ARHGAP15: variants seen among roughly 807,000 people sequenced by gnomAD.
ARHGAP15 encodes Rho GTPase activating protein 15.
A neutral mutation model predicts 63.7 loss-of-function variants in ARHGAP15; 51 were observed. The observed-to-expected ratio is 0.80, with a 90% CI of 0.64 to 1.01. The LOEUF (loss-of-function observed/expected upper bound fraction) is 1.01, where lower values mean the gene tolerates loss of function less well. Ranked by LOEUF, ARHGAP15 falls within the 50% of genes least tolerant of loss-of-function variation. The pLI, the probability that ARHGAP15 is intolerant of heterozygous loss-of-function variation, is 0.00. For missense variants in ARHGAP15, 560 were observed against 564.6 expected (o/e 0.99, Z 0.08); for synonymous variants, 191 against 193.8 (o/e 0.99, Z 0.12).
intron 12 of ARHGAP15, among the ~76,000 whole-genome samples, chr2:143,673,752 G>GTATATA (rs1158257230): frequency 2.7e-4 from 9 of 32,934 alleles, no homozygotes; most frequent in Non-Finnish European, 4.4e-4. Context: ...GTGTGTGTGT[G>GTATATA]TGTGTGTATA....
At chr2:143,374,801 C>A (rs576387340) in intron 6 of ARHGAP15, among the ~76,000 whole-genome samples, 35 of 152,252 alleles carry the variant, frequency 2.3e-4, no homozygotes, top group Admixed American at 1.2e-3. Flanking sequence ...CTGCTCCTGG[C>A]CATAGGTACT....
At chr2:143,467,160 A>G (rs572931723) in intron 8 of ARHGAP15, among the ~76,000 whole-genome samples, 17 of 151,722 alleles carry the variant, frequency 1.1e-4, no homozygotes, top group African/African-American at 1.7e-4. Context: ...GAAGATTTCT[A>G]ATATATAGAC....
intron 6 of ARHGAP15, chr2:143,344,036 A>G (rs1387431351): frequency 2.6e-5 from 4 of 152,152 alleles, no homozygotes; most frequent in Non-Finnish European, 5.9e-5. Context: ...AGATAAAAAC[A>G]AACTTACATA....
At chr2:143,685,201 G>A (rs779459352) in intron 12 of ARHGAP15, among the ~76,000 whole-genome samples, 2 of 152,104 alleles carry the variant, frequency 1.3e-5, no homozygotes, top group Non-Finnish European at 2.9e-5. Flanking sequence ...TGACCATGGG[G>A]GAGGCCTAAC....
chr2:143,430,137 G>A (rs1185143962), intron 6 of ARHGAP15, among the ~76,000 whole-genome samples: 1 of 151,086 alleles, frequency 6.6e-6, no homozygotes, highest in Non-Finnish European at 1.5e-5. Flanking sequence ...TGACAGATGG[G>A]GATTACAAAT....
At chr2:143,268,430 C>A (rs941635715) in intron 6 of ARHGAP15, among the ~76,000 whole-genome samples, 1 of 151,946 alleles carries the variant, frequency 6.6e-6, no homozygotes, top group Non-Finnish European at 1.5e-5. Context: ...ATATAAAAAA[C>A]CAAAATGAGT....
At chr2:143,500,571 T>C (rs1693011904) in intron 9 of ARHGAP15, among the ~76,000 whole-genome samples, 1 of 152,174 alleles carries the variant, frequency 6.6e-6, no homozygotes, top group Non-Finnish European at 1.5e-5. Flanking sequence ...GCTCTGACTT[T>C]AAAACAAAAT....
intron 11 of ARHGAP15, among the ~76,000 whole-genome samples, chr2:143,564,478 G>C (rs923060580): frequency 6.6e-6 from 1 of 152,074 alleles, no homozygotes; most frequent in African/African-American, 2.4e-5. Flanking sequence ...TGCAGTTTGA[G>C]CTATAAGTAA....
chr2:143,606,050 AAAAAAAAAAAAAAAAAAAAAG>A (rs1318167373), intron 11 of ARHGAP15, among the ~76,000 whole-genome samples: 5 of 132,562 alleles, frequency 3.8e-5, no homozygotes, highest in East Asian at 2.1e-4. Flanking sequence ...AAAAAAAAAA[AAAAAAAAAAAAAAAAAAAAAG>A]CCATACATCT....
rs1574484561 is a variant in ARHGAP15, at chr2:143,464,100, A to C, written c.704-23273A>C. On this transcript the variant is annotated intron_variant, in intron 8 of 13. Transcript: ENST00000295095. ...ACAAGATTATAAAATGACCTGTAATAGTTGGCATGTCTATAAATTTAATTA... is the reference window on the plus strand; with the variant it reads ...ACAAGATTATAAAATGACCTGTAATCGTTGGCATGTCTATAAATTTAATTA... 2.0e-5 allele frequency among the ~76,000 whole-genome samples: 3 copies of C among 152,342 alleles called. No homozygotes were observed. In the South Asian group the frequency reaches 6.2e-4, roughly 32 times the overall value.
At chr2:143,397,575 GAAATA>G (rs1687826214) in intron 6 of ARHGAP15, among the ~76,000 whole-genome samples, 1 of 147,258 alleles carries the variant, frequency 6.8e-6, no homozygotes, top group Non-Finnish European at 1.5e-5. Context: ...AAACGAAGAA[GAAATA>G]AAATATAACC....
At chr2:143,219,753 A>G (rs550717330) in intron 4 of ARHGAP15, among the ~76,000 whole-genome samples, 2 of 152,356 alleles carry the variant, frequency 1.3e-5, no homozygotes, top group African/African-American at 4.8e-5. Context: ...CTAATTATCC[A>G]TAGAACATTA....
intron 2 of ARHGAP15, among the ~76,000 whole-genome samples, chr2:143,200,808 A>G (rs1386653117): frequency 6.6e-6 from 1 of 152,116 alleles, no homozygotes; most frequent in Admixed American, 6.6e-5. Context: ...ATTTAAGCAC[A>G]TCTGGTTACT....
intron 13 of ARHGAP15, among the ~76,000 whole-genome samples, chr2:143,722,203 A>G (rs1429223581): frequency 6.6e-6 from 1 of 151,996 alleles, no homozygotes; most frequent in Non-Finnish European, 1.5e-5. Flanking sequence ...ACACACACAC[A>G]CACGGCAAGA....
chr2:143,485,521 C>T (rs192372188), intron 8 of ARHGAP15, among the ~76,000 whole-genome samples: 2 of 149,808 alleles, frequency 1.3e-5, no homozygotes, highest in South Asian at 2.1e-4. Context: ...TATAGATAGA[C>T]CTTCCACCGA....
intron 7 of ARHGAP15, 82 bp downstream of exon 7, chr2:143,435,781 A>G: frequency 1.5e-6 from 2 of 1,350,446 alleles, no homozygotes; most frequent in African/African-American, 3.0e-5. Context: ...TAACACACAC[A>G]CTCATTTAAA....
intron 12 of ARHGAP15, among the ~76,000 whole-genome samples, chr2:143,661,345 C>G (rs147849158): frequency 1.3e-5 from 2 of 151,946 alleles, no homozygotes; most frequent in Non-Finnish European, 1.5e-5. Context: ...CACGTTAAGT[C>G]GATATAACAT....
intron 5 of ARHGAP15, among the ~76,000 whole-genome samples, chr2:143,238,886 C>A (rs765436501): frequency 2.6e-5 from 4 of 152,068 alleles, no homozygotes; most frequent in Non-Finnish European, 4.4e-5. Flanking sequence ...AGATCATGAC[C>A]TTTGCAGGGA....
intron 5 of ARHGAP15, among the ~76,000 whole-genome samples, chr2:143,239,091 A>G (rs1171334396): frequency 1.3e-5 from 2 of 152,082 alleles, no homozygotes; most frequent in South Asian, 2.1e-4. Flanking sequence ...GGCTTAATAC[A>G]TTGGTGATGG....
Sources: gnomAD v4.1 joint callset for allele counts (sites outside exome capture counted in the v4.1 genomes callset) on GRCh38, gnomAD v4.1.1 for gene constraint, MANE v1.5 for transcripts, NCBI Gene and HGNC (gene_info 2026-07-23, HGNC 2026-07-21) for gene names.